Variants in DGKD observed in about 807,000 individuals in gnomAD.
DGKD encodes DAG kinase delta.
A neutral mutation model predicts 154.4 loss-of-function variants in DGKD; 68 were observed. That is an observed-to-expected ratio of 0.44 (90% CI 0.36 to 0.54). The LOEUF (loss-of-function observed/expected upper bound fraction) is 0.54. Ranked by LOEUF, DGKD falls within the 20% of genes least tolerant of loss-of-function variation. The probability of loss-of-function intolerance (pLI) is 0.00; values close to 1 mark genes in which losing one functional copy is unlikely to be tolerated. For missense variants in DGKD, 1,343 were observed against 1,593.6 expected, an observed-to-expected ratio of 0.84 and a Z score of 2.68; for synonymous variants, 693 against 638.0, an observed-to-expected ratio of 1.09 and a Z score of -1.30.
chr2:233,407,677 G>A (rs968239558), intron 3 of DGKD, among the ~76,000 whole-genome samples: 3 of 152,168 alleles, frequency 2.0e-5, no homozygotes, highest in African/African-American at 7.2e-5. Context: ...TGAGGCGGGA[G>A]GATCACTTGA....
chr2:233,410,321 C>G (rs899288078), intron 3 of DGKD, among the ~76,000 whole-genome samples: 1 of 152,122 alleles, frequency 6.6e-6, no homozygotes, highest in Admixed American at 6.5e-5. Flanking sequence ...GTCCTGTGCC[C>G]GTCATTGACC....
At position 233,436,449 on chromosome 2, in the gene DGKD, TGGGCCCTGC is replaced by T. The variant is rs1241767049; in HGVS notation, c.819+10_819+18del. The T allele has an allele frequency of 6.2e-7, 1 of 1,610,594 alleles. No individual in the cohort carries two copies. On this transcript the variant is annotated intron_variant, in intron 7 of 29. Coordinates refer to ENST00000264057, the MANE Select transcript of DGKD (RefSeq NM_152879.3). ...CTCTGGTGCAAGGCCATGGTGAGTG[TGGGCCCTGC>T]GCCCGGGCTGGAGGGGAGGGCTTGC...
In DGKD at chr2:233,434,829, G is replaced by T. The variant is rs779077238; in HGVS notation, c.514G>T (p.Ala172Ser). 2.5e-6 allele frequency: 4 copies of T among 1,614,180 alleles called. No individual in the cohort carries two copies. The highest frequency in any genetic ancestry group is 3.4e-6 in the Non-Finnish European group (4 of 1,180,024). Reference sequence around the variant, plus strand: ...GCACAATTGGTACGCCTGTTCCCACGCGAGGCCGACCTACTGCAATGTGTG... The same window carrying T: ...GCACAATTGGTACGCCTGTTCCCACTCGAGGCCGACCTACTGCAATGTGTG... The part of the protein sequence containing the change: ...GMHNWYACSH[A>S]RPTYCNVCRE... Residue 172 changes from alanine (A) to serine (S), a missense_variant, in exon 5 of 30, where the codon GCG becomes TCG. Coordinates refer to ENST00000264057, the MANE Select transcript of DGKD (RefSeq NM_152879.3).
At position 233,469,939 on chromosome 2, in the gene DGKD, GC is replaced by G. The variant is rs1433367413; in HGVS notation, c.*483del. On this transcript the variant is annotated 3_prime_UTR_variant, in exon 30 of 30. Coordinates refer to ENST00000264057, the MANE Select transcript of DGKD (RefSeq NM_152879.3). ...GGGCCCAGCACAGCAGCCTGCAAGG[GC>G]CCCTGTTTGTTGATGCAGCTTTTGT... The G allele has an allele frequency of 7.1e-6, 1 of 141,154 alleles. No homozygotes were observed. The highest frequency in any genetic ancestry group is 1.5e-5 in the Non-Finnish European group (1 of 65,852). The allele number at this position is 141,154 out of a possible 1,614,324, so 8.7% of individuals were successfully genotyped here.
At chr2:233,425,333 C>T (rs1326219112) in intron 3 of DGKD, among the ~76,000 whole-genome samples, 1 of 152,020 alleles carries the variant, frequency 6.6e-6, no homozygotes, top group East Asian at 1.9e-4. Context: ...ACCACAGGCG[C>T]CCGCCACCAC....
chr2:233,417,030 A>AT (rs1308435574), intron 3 of DGKD, among the ~76,000 whole-genome samples: 2 of 151,906 alleles, frequency 1.3e-5, no homozygotes, highest in Admixed American at 6.6e-5. Context: ...TCCTGTGTGC[A>AT]TTTTTTTATT....
chr2:233,417,643 C>T (rs1412037657), intron 3 of DGKD, among the ~76,000 whole-genome samples: 1 of 152,096 alleles, frequency 6.6e-6, no homozygotes, highest in Non-Finnish European at 1.5e-5. Context: ...TAACATGTAT[C>T]ATTATAGATA....
chr2:233,371,305 G>C (rs1702309055), intron 1 of DGKD, among the ~76,000 whole-genome samples: 1 of 152,046 alleles, frequency 6.6e-6, no homozygotes, highest in African/African-American at 2.4e-5. Flanking sequence ...ACAATGTTGA[G>C]CATCATTTCA....
chr2:233,381,202 A>G (rs1420892050), intron 1 of DGKD, among the ~76,000 whole-genome samples: 25 of 152,182 alleles, frequency 1.6e-4, no homozygotes, highest in Non-Finnish European at 2.9e-5. Context: ...CTGATGTGGC[A>G]CACACTCCGT....
At position 233,451,067 on chromosome 2, in the gene DGKD, A is replaced by C. The variant is rs748948339; in HGVS notation, c.2167+17A>C. ...TGTACCCAAGTGAGTGGCGGCCAGC[A>C]GGAGGGACTGGTGGGGGCCCTAGCA... On this transcript the variant is annotated intron_variant, in intron 17 of 29. Transcript: ENST00000264057. 1 of 1,592,044 alleles carries C rather than the reference A, an allele frequency of 6.3e-7. No homozygotes were observed. Among genetic ancestry groups the C allele is most frequent in the South Asian group, 1.1e-5 (1 of 90,548 alleles).
chr2:233,423,776 T>A (rs1389241849), intron 3 of DGKD, among the ~76,000 whole-genome samples: 2 of 152,136 alleles, frequency 1.3e-5, no homozygotes, highest in Non-Finnish European at 2.9e-5. Flanking sequence ...ATCCTTGGCC[T>A]GGAAGAGCAG....
intron 3 of DGKD, among the ~76,000 whole-genome samples, chr2:233,411,988 C>T (rs1388389995): frequency 1.3e-5 from 2 of 152,058 alleles, no homozygotes; most frequent in Non-Finnish European, 2.9e-5. Context: ...TTATGTCTGC[C>T]TTTACTGAAA....
intron 10 of DGKD, 129 bp downstream of exon 10, chr2:233,442,124 G>C: frequency 1.1e-6 from 1 of 919,744 alleles, no homozygotes; most frequent in Non-Finnish European, 1.7e-6. Context: ...GTGGTTTTGG[G>C]GAGTGTGCAG....
chr2:233,425,344 G>A (rs906714682), intron 3 of DGKD, among the ~76,000 whole-genome samples: 6 of 151,946 alleles, frequency 3.9e-5, no homozygotes, highest in Non-Finnish European at 5.9e-5. Flanking sequence ...CCGCCACCAC[G>A]CCTGGCTAAT....
intron 1 of DGKD, chr2:233,386,085 A>C: frequency 2.3e-6 from 1 of 430,796 alleles, no homozygotes; most frequent in Admixed American, 2.5e-5. Context: ...CAGGAGATGC[A>C]AGAAAAAATA....
chr2:233,449,138 C>G lies in DGKD; in HGVS notation c.1650C>G (p.Leu550=), dbSNP rs201720800. ...TGAAAGAGAAGCTGGATTCCCTTCT[C>G]AAGACCTTGGACGATGAGTCCCAGG... ...SVLKEKLDSL[L]KTLDDESQAS... The change falls in exon 15 of 30, where the codon CTC becomes CTG. Residue 550 remains leucine, a synonymous_variant. Coordinates refer to ENST00000264057, the MANE Select transcript of DGKD (RefSeq NM_152879.3). The surrounding 1 kb of genome is among the most constrained non-coding windows in gnomAD (Gnocchi z 5.3). The G allele has an allele frequency of 1.1e-5, 18 of 1,606,230 alleles. No homozygotes were observed. Among genetic ancestry groups the G allele is most frequent in the Middle Eastern group, 1.6e-4 (1 of 6,064 alleles).
At position 233,388,368 on chromosome 2, in the gene DGKD, G is replaced by A; in HGVS notation, c.267+1G>A. On this transcript the variant is annotated splice_donor_variant, in intron 2 of 29. Coordinates refer to ENST00000264057, the MANE Select transcript of DGKD (RefSeq NM_152879.3). LOFTEE classifies it high-confidence loss of function. ...GCTTTACTATGCCAAAACGGCAAAGGTGAGGCCCCATGCAGGAAAGCACAC... is the reference window on the plus strand; with the variant it reads ...GCTTTACTATGCCAAAACGGCAAAGATGAGGCCCCATGCAGGAAAGCACAC... The A allele has an allele frequency of 6.2e-7, 1 of 1,611,618 alleles. No individual in the cohort carries two copies. The highest frequency in any genetic ancestry group is 8.5e-7 in the Non-Finnish European group (1 of 1,178,982).
At chr2:233,388,219 G>A in intron 1 of DGKD, 38 bp from the exon 2 acceptor site, 2 of 1,596,302 alleles carry the variant, frequency 1.3e-6, no homozygotes, top group East Asian at 2.2e-5. Context: ...AGGGCACCTT[G>A]AAAACGCAAG....
rs903001241 is a variant in DGKD at position 233,440,938 on chromosome 2, G to T, written c.1086-949G>T. ...GCTGCCAGGAGGGGCTGGGTCGGCTGCAGGCTGAGAGGAGGTGGGTCTGGC... is the reference window on the plus strand; with the variant it reads ...GCTGCCAGGAGGGGCTGGGTCGGCTTCAGGCTGAGAGGAGGTGGGTCTGGC... On this transcript the variant is annotated intron_variant, in intron 9 of 29. Transcript: ENST00000264057. This position sits in a 1 kb window ranked among gnomAD's most constrained non-coding sequence, Gnocchi z 4.9. Among the ~76,000 whole-genome samples the T allele has an allele frequency of 5.3e-5, 8 of 152,202 alleles. No individual in the cohort carries two copies. The highest frequency in any genetic ancestry group is 1.2e-4 in the Non-Finnish European group (8 of 68,046).
Sources: allele counts gnomAD v4.1 joint callset (sites outside exome capture counted in the v4.1 genomes callset), GRCh38; gene constraint gnomAD v4.1.1; non-coding constraint Gnocchi (gnomAD v3.1); transcripts MANE v1.5; gene names NCBI Gene and HGNC (gene_info 2026-07-23, HGNC 2026-07-21).